PLD1: variants seen among roughly 807,000 people sequenced by gnomAD.
The protein encoded by PLD1 is phospholipase D1, also known as choline phosphatase 1.
Under a neutral mutation model 137.1 loss-of-function variants are expected in PLD1, and 112 were observed. The observed-to-expected ratio is 0.82, with a 90% CI of 0.70 to 0.96. PLD1 has a LOEUF of 0.96. PLD1 is among the 40% of genes least tolerant of loss of function. PLD1 has a pLI of 0.00. For synonymous variants in PLD1, 431 were observed against 454.7 expected (o/e 0.95, Z 0.66); for missense variants, 1,321 against 1,342.0 (o/e 0.98, Z 0.24).
chr3:171,742,668 A>C (rs1719868762), intron 1 of PLD1, among the ~76,000 whole-genome samples: 1 of 152,206 alleles, frequency 6.6e-6, no homozygotes, highest in Non-Finnish European at 1.5e-5. Context: ...GATGAAATAA[A>C]TTAAAGGATC....
At chr3:171,732,607 G>A (rs1719029815) in intron 6 of PLD1, among the ~76,000 whole-genome samples, 1 of 152,198 alleles carries the variant, frequency 6.6e-6, no homozygotes, top group Admixed American at 6.5e-5. Context: ...TTTATGTGAT[G>A]CCATTCTCTA....
chr3:171,764,933 GGAAAGAAAGAAA>G (rs151169443), intron 1 of PLD1, among the ~76,000 whole-genome samples: 1,642 of 23,604 alleles, frequency 0.07, 124 homozygotes, highest in South Asian at 0.1. Context: ...AGGAAAGAAA[GGAAAGAAAGAAA>G]GAAAGAAAGA....
At chr3:171,745,840 G>C (rs1720114699) in intron 1 of PLD1, among the ~76,000 whole-genome samples, 1 of 152,090 alleles carries the variant, frequency 6.6e-6, no homozygotes, top group Admixed American at 6.5e-5. Flanking sequence ...CCCCTCTCTG[G>C]GCTGGCGGAG....
At chr3:171,785,683 C>T (rs1408379750) in intron 1 of PLD1, among the ~76,000 whole-genome samples, 2 of 152,170 alleles carry the variant, frequency 1.3e-5, no homozygotes, top group East Asian at 1.9e-4. Flanking sequence ...ATGATCTGCC[C>T]GCCTTGGCCT....
intron 12 of PLD1, among the ~76,000 whole-genome samples, chr3:171,694,111 C>CT (rs1258249024): frequency 6.6e-6 from 1 of 152,020 alleles, no homozygotes; most frequent in Non-Finnish European, 1.5e-5. Context: ...TACTAACACT[C>CT]TATTTTTCAT....
At chr3:171,800,620 A>G (rs1192039072) in intron 1 of PLD1, among the ~76,000 whole-genome samples, 1 of 152,166 alleles carries the variant, frequency 6.6e-6, no homozygotes. Context: ...ACATCCCTGG[A>G]CCCAATCTCT....
At chr3:171,724,886 C>T in intron 7 of PLD1, 98 bp from the exon 8 acceptor site, 1 of 768,494 alleles carries the variant, frequency 1.3e-6, no homozygotes, top group Non-Finnish European at 2.3e-6. Context: ...CCATCTCATT[C>T]TCACATGACT....
chr3:171,710,094 G>A (rs569941150), intron 9 of PLD1, among the ~76,000 whole-genome samples: 56 of 151,962 alleles, frequency 3.7e-4, no homozygotes, highest in Non-Finnish European at 6.8e-4. Flanking sequence ...ATGGAGTCTC[G>A]CTCTGTCGCC....
chr3:171,642,273 G>A (rs199616760), intron 23 of PLD1, among the ~76,000 whole-genome samples: 17 of 151,552 alleles, frequency 1.1e-4, no homozygotes, highest in Non-Finnish European at 1.8e-4. Flanking sequence ...TGGCCAACAC[G>A]GTGAAACCTC....
rs538929710 is a variant in PLD1 at position 171,612,177 on chromosome 3, A to G, written c.2882+102T>C. 12 of 1,002,136 alleles carry G rather than the reference A, an allele frequency of 1.2e-5. No homozygotes were observed. The highest frequency in any genetic ancestry group is 1.8e-5 in the Non-Finnish European group (12 of 660,640). The allele number at this position is 1,002,136 out of a possible 1,614,324, so 62.1% of individuals were successfully genotyped here. ...TTCTGGGACACACTGTTTTAGATGA[A>G]GAAGAACCTAGGATGACCCATGTGC... On this transcript the variant is annotated intron_variant, in intron 25 of 26. Transcript: ENST00000351298. This position sits in a 1 kb window ranked among gnomAD's most constrained non-coding sequence, Gnocchi z 4.1.
intron 23 of PLD1, among the ~76,000 whole-genome samples, chr3:171,639,197 ATAT>A (rs1325897285): frequency 6.9e-6 from 1 of 145,396 alleles, no homozygotes; most frequent in Non-Finnish European, 1.5e-5. Context: ...ACAATTTTAT[ATAT>A]TATTTATATA....
chr3:171,745,599 A>T (rs550454056), intron 1 of PLD1, among the ~76,000 whole-genome samples: 40 of 152,216 alleles, frequency 2.6e-4, no homozygotes, highest in Non-Finnish European at 5.6e-4. Context: ...GCACATCCAG[A>T]TGTTTTTGGA....
At chr3:171,642,934 A>T (rs755099977) in intron 22 of PLD1, 45 bp from the exon 23 acceptor site, 1 of 1,066,626 alleles carries the variant, frequency 9.4e-7, no homozygotes, top group South Asian at 1.3e-5. Flanking sequence ...GTTTCAAAAC[A>T]ACCAATCCCA....
chr3:171,668,688 T>C (rs978377193), intron 19 of PLD1, among the ~76,000 whole-genome samples: 4 of 152,140 alleles, frequency 2.6e-5, no homozygotes, highest in Non-Finnish European at 5.9e-5. Flanking sequence ...TATTTCCATA[T>C]AGGCAGGAAT....
intron 8 of PLD1, among the ~76,000 whole-genome samples, chr3:171,719,693 T>C (rs1012905641): frequency 6.6e-6 from 1 of 152,238 alleles, no homozygotes; most frequent in Non-Finnish European, 1.5e-5. Context: ...CATCTCTTTT[T>C]CTTAAGACAT....
intron 12 of PLD1, among the ~76,000 whole-genome samples, chr3:171,693,403 T>C (rs1273253640): frequency 6.6e-6 from 1 of 152,148 alleles, no homozygotes; most frequent in Non-Finnish European, 1.5e-5. Flanking sequence ...CTAGTTCTGG[T>C]TGGTGACAGG....
At chr3:171,717,834 G>A (rs577934846) in intron 8 of PLD1, among the ~76,000 whole-genome samples, 2 of 152,300 alleles carry the variant, frequency 1.3e-5, no homozygotes, top group South Asian at 4.1e-4. Flanking sequence ...TCCAGCTCTT[G>A]TCCAGTCAGT....
At chr3:171,748,116 A>T (rs1720382313) in intron 1 of PLD1, among the ~76,000 whole-genome samples, 1 of 152,222 alleles carries the variant, frequency 6.6e-6, no homozygotes, top group African/African-American at 2.4e-5. Context: ...TTAGATGAGG[A>T]TTCCGAGTCA....
chr3:171,717,316 A>ATATT (rs1449895661), intron 8 of PLD1, among the ~76,000 whole-genome samples: 6 of 152,080 alleles, frequency 3.9e-5, no homozygotes, highest in African/African-American at 1.4e-4. Context: ...CATTTTAATG[A>ATATT]TATTGTTTCT....
Sources: allele counts gnomAD v4.1 joint callset (sites outside exome capture counted in the v4.1 genomes callset), GRCh38; gene constraint gnomAD v4.1.1; non-coding constraint Gnocchi (gnomAD v3.1); transcripts MANE v1.5; gene names NCBI Gene and HGNC (gene_info 2026-07-23, HGNC 2026-07-21).